DGKG: variants seen among roughly 807,000 people sequenced by gnomAD.
The protein encoded by DGKG is diacylglycerol kinase gamma, also known as DAG kinase gamma.
DGKG carries 78 observed loss-of-function variants against 105.3 expected under a neutral mutation model. That is an observed-to-expected ratio of 0.74 (90% CI 0.62 to 0.89). DGKG has a LOEUF of 0.89. Among genes scored for constraint, DGKG ranks in the 40% least tolerant of loss-of-function variants. The pLI is 0.00. For synonymous variants in DGKG, 346 were observed against 367.1 expected (o/e 0.94, Z 0.66); for missense variants, 958 against 1,020.1 (o/e 0.94, Z 0.83).
intron 20 of DGKG, among the ~76,000 whole-genome samples, chr3:186,218,206 A>C (rs908497428): frequency 6.6e-6 from 1 of 152,098 alleles, no homozygotes; most frequent in African/African-American, 2.4e-5. Flanking sequence ...TCCTCATCTT[A>C]AAAATGAAGG....
chr3:186,156,586 T>C (rs1359880683), intron 24 of DGKG, among the ~76,000 whole-genome samples: 1 of 152,106 alleles, frequency 6.6e-6, no homozygotes. Context: ...TTGCATTGTT[T>C]GTAGAGTTAA....
chr3:186,288,615 T>C (rs1723176585), intron 6 of DGKG, 95 bp downstream of exon 6: 2 of 1,344,168 alleles, frequency 1.5e-6, no homozygotes, highest in Non-Finnish European at 2.1e-6. Flanking sequence ...ATCCGTGATA[T>C]CAACTCAATC....
intron 5 of DGKG, among the ~76,000 whole-genome samples, chr3:186,296,309 C>T (rs1723561734): frequency 6.6e-6 from 1 of 152,144 alleles, no homozygotes; most frequent in African/African-American, 2.4e-5. Flanking sequence ...CAAACATGCC[C>T]ACGGTTACAG....
intron 1 of DGKG, among the ~76,000 whole-genome samples, chr3:186,338,213 A>G (rs1195362508): frequency 6.6e-6 from 1 of 151,836 alleles, no homozygotes. Flanking sequence ...TAGAATGTAC[A>G]TTGGAGTGAA....
intron 5 of DGKG, among the ~76,000 whole-genome samples, chr3:186,292,916 A>G (rs868352729): frequency 1.3e-4 from 20 of 152,292 alleles, no homozygotes; most frequent in Middle Eastern, 6.8e-3. Context: ...ACACACACAC[A>G]TGTAATTGCA....
chr3:186,166,612 C>T (rs1716558281), intron 22 of DGKG, among the ~76,000 whole-genome samples: 2 of 144,878 alleles, frequency 1.4e-5, no homozygotes, highest in South Asian at 4.7e-4. Context: ...TCTGTGAAAA[C>T]AACATGGGCT....
intron 22 of DGKG, among the ~76,000 whole-genome samples, chr3:186,171,732 T>C (rs1178054239): frequency 1.3e-5 from 2 of 152,244 alleles, no homozygotes; most frequent in Admixed American, 1.3e-4. Flanking sequence ...CAGATTGTAC[T>C]GGGTAACAGG....
At chr3:186,276,782 G>C (rs1232546988) in intron 9 of DGKG, among the ~76,000 whole-genome samples, 1 of 152,172 alleles carries the variant, frequency 6.6e-6, no homozygotes, top group Non-Finnish European at 1.5e-5. Flanking sequence ...TAACACTCTT[G>C]GGCTGGTTTC....
chr3:186,254,819 C>T (rs1375008290), intron 17 of DGKG, among the ~76,000 whole-genome samples: 2 of 152,200 alleles, frequency 1.3e-5, no homozygotes, highest in Non-Finnish European at 2.9e-5. Context: ...CAGTCCCTCG[C>T]ACTGGCTCAC....
chr3:186,182,347 C>T (rs1193773398), intron 22 of DGKG, among the ~76,000 whole-genome samples: 5 of 152,234 alleles, frequency 3.3e-5, no homozygotes, highest in Non-Finnish European at 1.5e-5. Flanking sequence ...TGACCAAGGG[C>T]TCACCAGGTT....
At chr3:186,326,669 C>CAA (rs975590833) in intron 1 of DGKG, among the ~76,000 whole-genome samples, 1 of 152,144 alleles carries the variant, frequency 6.6e-6, no homozygotes, top group African/African-American at 2.4e-5. Flanking sequence ...CTGTGAAAAA[C>CAA]AAAATAGACT....
At chr3:186,256,990 T>A (rs1266420689) in intron 17 of DGKG, among the ~76,000 whole-genome samples, 1 of 152,248 alleles carries the variant, frequency 6.6e-6, no homozygotes, top group African/African-American at 2.4e-5. Context: ...GTGTGCTCCA[T>A]GAAAGTGGAA....
intron 20 of DGKG, among the ~76,000 whole-genome samples, chr3:186,233,213 G>A (rs1349541904): frequency 6.6e-6 from 1 of 152,166 alleles, no homozygotes; most frequent in East Asian, 1.9e-4. Context: ...TGCAATCAGC[G>A]TTCTCATAAG....
chr3:186,330,847 C>T (rs539659156), intron 1 of DGKG, among the ~76,000 whole-genome samples: 1 of 152,348 alleles, frequency 6.6e-6, no homozygotes, highest in African/African-American at 2.4e-5. Context: ...GGTCTGGATT[C>T]CCAATGCACA....
At chr3:186,286,154 T>C (rs1343543006) in intron 6 of DGKG, among the ~76,000 whole-genome samples, 2 of 152,170 alleles carry the variant, frequency 1.3e-5, no homozygotes, top group Non-Finnish European at 2.9e-5. Context: ...GCACCTTGTG[T>C]TTTTTTCAGG....
chr3:186,211,993 A>G (rs908335930), intron 20 of DGKG, 108 bp from the exon 21 acceptor site: 28 of 820,200 alleles, frequency 3.4e-5, no homozygotes, highest in South Asian at 6.0e-5. Context: ...AATTTCCCCA[A>G]TCTTACATTT....
chr3:186,169,508 G>A (rs891839039), intron 22 of DGKG, among the ~76,000 whole-genome samples: 1 of 152,198 alleles, frequency 6.6e-6, no homozygotes, highest in Non-Finnish European at 1.5e-5. Flanking sequence ...TGATGCCCAA[G>A]GTCCAATTCC....
chr3:186,229,588 T>A (rs1720038793), intron 20 of DGKG, among the ~76,000 whole-genome samples: 1 of 152,138 alleles, frequency 6.6e-6, no homozygotes, highest in Non-Finnish European at 1.5e-5. Context: ...ATTTCTGCTG[T>A]TCTAAACCAC....
chr3:186,235,960 C>T (rs1720399055), intron 20 of DGKG, among the ~76,000 whole-genome samples: 1 of 152,228 alleles, frequency 6.6e-6, no homozygotes, highest in African/African-American at 2.4e-5. Context: ...CACTCCTGCC[C>T]TGTTCCTCCT....
Sources: gnomAD v4.1 joint callset for allele counts (sites outside exome capture counted in the v4.1 genomes callset) on GRCh38, gnomAD v4.1.1 for gene constraint, MANE v1.5 for transcripts, NCBI Gene and HGNC (gene_info 2026-07-23, HGNC 2026-07-21) for gene names.